Variants in SEC24D observed in about 807,000 individuals in gnomAD.
SEC24D encodes protein transport protein Sec24D.
A neutral mutation model predicts 116.9 loss-of-function variants in SEC24D; 69 were observed. The ratio of observed to expected loss-of-function variants is 0.59; its 90% CI spans 0.49 to 0.72. The LOEUF is 0.72. Among genes scored for constraint, SEC24D ranks in the 30% least tolerant of loss-of-function variants. SEC24D has a pLI of 0.00. For synonymous variants in SEC24D, 405 were observed against 442.8 expected, an observed-to-expected ratio of 0.91 and a Z score of 1.07; for missense variants, 1,131 against 1,264.1, an observed-to-expected ratio of 0.89 and a Z score of 1.60.
intron 9 of SEC24D, chr4:118,766,477 T>C (rs1236001809): frequency 6.6e-6 from 1 of 152,188 alleles, no homozygotes; most frequent in Non-Finnish European, 1.5e-5. Flanking sequence ...TTAAGCCTAG[T>C]GTGAATAATT....
intron 8 of SEC24D, among the ~76,000 whole-genome samples, chr4:118,791,595 C>A (rs1446579343): frequency 6.6e-6 from 1 of 152,166 alleles, no homozygotes; most frequent in Non-Finnish European, 1.5e-5. Flanking sequence ...GACTGTACTG[C>A]CGCCATCTCG....
rs138717207 is a variant in SEC24D, at chr4:118,833,425, G to A, written c.118+154C>T. On this transcript the variant is annotated intron_variant, in intron 2 of 22. Coordinates refer to ENST00000280551, the MANE Select transcript of SEC24D (RefSeq NM_014822.4). ...AACCAAACTAGTGATGTAGAGTTCT[G>A]CTATGAGAGCCTTTTCCAAATGATC... The A allele has an allele frequency of 8.2e-4, 493 of 598,418 alleles. 2 individuals are homozygous for A. The African/African-American group carries it at 8.4e-3, about 10-fold the overall frequency. The allele number at this position is 598,418 out of a possible 1,614,324, so 37.1% of individuals were successfully genotyped here.
At chr4:118,793,182 G>T (rs1257754557) in intron 8 of SEC24D, among the ~76,000 whole-genome samples, 1 of 152,092 alleles carries the variant, frequency 6.6e-6, no homozygotes, top group Non-Finnish European at 1.5e-5. Flanking sequence ...TGTCAAGAAG[G>T]CCCGGCCGGG....
chr4:118,737,796 C>T (rs964305385), intron 19 of SEC24D, among the ~76,000 whole-genome samples: 9 of 152,148 alleles, frequency 5.9e-5, no homozygotes, highest in East Asian at 1.9e-4. Context: ...AAACTCTTCA[C>T]ACCTATTAAT....
At chr4:118,743,560 T>C (rs1354209377) in intron 15 of SEC24D, among the ~76,000 whole-genome samples, 1 of 152,160 alleles carries the variant, frequency 6.6e-6, no homozygotes, top group Admixed American at 6.6e-5. Context: ...GACAGGGTCT[T>C]GCTATGTAGC....
intron 8 of SEC24D, among the ~76,000 whole-genome samples, chr4:118,788,858 G>A (rs1728767217): frequency 6.6e-6 from 1 of 152,212 alleles, no homozygotes; most frequent in South Asian, 2.1e-4. Flanking sequence ...ACCATTCTGT[G>A]ATATGGTTTA....
intron 8 of SEC24D, among the ~76,000 whole-genome samples, chr4:118,777,092 A>ATTATTTATTTAT (rs70944813): frequency 0.03 from 4,527 of 148,596 alleles, 116 homozygotes; most frequent in African/African-American, 0.063. Context: ...GAAGGTCTGA[A>ATTATTTATTTAT]TTATTTATTT....
intron 8 of SEC24D, among the ~76,000 whole-genome samples, chr4:118,779,490 T>C (rs950785052): frequency 4.6e-5 from 7 of 152,184 alleles, no homozygotes; most frequent in Non-Finnish European, 7.4e-5. Flanking sequence ...TGATGTGCTG[T>C]TGGATTCGGT....
intron 8 of SEC24D, among the ~76,000 whole-genome samples, chr4:118,771,911 C>T (rs10000269): frequency 0.023 from 3,475 of 152,046 alleles, 140 homozygotes; most frequent in African/African-American, 0.078. Context: ...CACACAAATG[C>T]CATGAAAAAA....
rs201651858 is a variant in SEC24D at position 118,817,327 on chromosome 4, T to C, written c.334A>G (p.Ile112Val). 17 of 1,613,852 alleles carry C rather than the reference T, an allele frequency of 1.1e-5. No homozygotes were observed. The African/African-American group carries it at 1.1e-4, about 10-fold the overall frequency. Residue 112 changes from isoleucine (I) to valine (V), a missense_variant, in exon 4 of 23, where the codon ATA (isoleucine) becomes GTA (valine). By Grantham distance (29) the Ile-to-Val change is conservative. Transcript: ENST00000280551. ...PSAQSSYPGP[I>V]STSSVTQLGS... Reference sequence around the variant, plus strand: ...AGCTGGGTGACAGATGAAGTGGATATAGGACCTGGATAAGAAGATTGTGCA... The same window carrying C: ...AGCTGGGTGACAGATGAAGTGGATACAGGACCTGGATAAGAAGATTGTGCA...
At chr4:118,796,383 C>CT in intron 8 of SEC24D, among the ~76,000 whole-genome samples, 1 of 152,192 alleles carries the variant, frequency 6.6e-6, no homozygotes, top group Admixed American at 6.5e-5. Context: ...ATGGAAGAGA[C>CT]TATGGTTAAA....
At chr4:118,781,690 C>G (rs991420116) in intron 8 of SEC24D, among the ~76,000 whole-genome samples, 1 of 152,228 alleles carries the variant, frequency 6.6e-6, no homozygotes, top group African/African-American at 2.4e-5. Context: ...TGTTTTCCAA[C>G]TTGGTTCCAT....
intron 4 of SEC24D, among the ~76,000 whole-genome samples, chr4:118,816,088 A>AT (rs34404398): frequency 0.14 from 14,337 of 101,312 alleles, 1,323 homozygotes; most frequent in Non-Finnish European, 0.18. Context: ...CGCCAAGTTC[A>AT]TTTTTTTTTT....
intron 13 of SEC24D, among the ~76,000 whole-genome samples, chr4:118,751,175 G>A (rs1227981697): frequency 5.1e-5 from 5 of 97,328 alleles, no homozygotes; most frequent in Non-Finnish European, 6.8e-5. Flanking sequence ...TAGAGTGAGG[G>A]CTTTTTTTTT....
chr4:118,784,707 T>C (rs1728583372), intron 8 of SEC24D, among the ~76,000 whole-genome samples: 1 of 151,878 alleles, frequency 6.6e-6, no homozygotes, highest in Admixed American at 6.6e-5. Flanking sequence ...TCCTCTTTTT[T>C]GTTACAGGTA....
intron 11 of SEC24D, 135 bp downstream of exon 11, chr4:118,757,586 T>G: frequency 1.5e-6 from 1 of 671,522 alleles, no homozygotes; most frequent in Non-Finnish European, 2.5e-6. Context: ...ACAATGATGC[T>G]GTTTGATTTA....
At chr4:118,825,164 A>G (rs1188679296) in intron 2 of SEC24D, among the ~76,000 whole-genome samples, 1 of 152,212 alleles carries the variant, frequency 6.6e-6, no homozygotes, top group Non-Finnish European at 1.5e-5. Context: ...TAAACGGGGC[A>G]TGGGGGAGAA....
chr4:118,819,161 T>C (rs947205025), intron 3 of SEC24D, among the ~76,000 whole-genome samples: 6 of 152,184 alleles, frequency 3.9e-5, no homozygotes, highest in African/African-American at 1.2e-4. Flanking sequence ...ACATTAAAGG[T>C]CTGTTTTGTA....
intron 8 of SEC24D, among the ~76,000 whole-genome samples, chr4:118,779,209 T>C (rs1450582134): frequency 6.6e-6 from 1 of 152,234 alleles, no homozygotes; most frequent in Non-Finnish European, 1.5e-5. Flanking sequence ...TTCCAGTTTT[T>C]GCCCATTCAG....
Sources: gnomAD v4.1 joint callset for allele counts (sites outside exome capture counted in the v4.1 genomes callset) on GRCh38, gnomAD v4.1.1 for gene constraint, MANE v1.5 for transcripts, NCBI Gene and HGNC (gene_info 2026-07-23, HGNC 2026-07-21) for gene names.